Variants in SLC30A3 observed in about 807,000 individuals in gnomAD.
SLC30A3 encodes the protein probable proton-coupled zinc antiporter SLC30A3.
Under a neutral mutation model 35.6 loss-of-function variants are expected in SLC30A3, and 20 were observed. The observed-to-expected ratio is 0.56, with a 90% confidence interval of 0.39 to 0.82. The LOEUF is 0.82. Among genes scored for constraint, SLC30A3 ranks in the 40% least tolerant of loss-of-function variants. The probability of loss-of-function intolerance (pLI) is 0.00; values close to 1 mark genes in which losing one functional copy is unlikely to be tolerated. For synonymous variants in SLC30A3, 217 were observed against 224.7 expected, an observed-to-expected ratio of 0.97 and a Z score of 0.31; for missense variants, 401 against 530.6, an observed-to-expected ratio of 0.76 and a Z score of 2.40.
upstream of SLC30A3, among the ~76,000 whole-genome samples, chr2:27,264,937 G>A (rs76755654): frequency 0.081 from 12,346 of 152,250 alleles, 747 homozygotes; most frequent in Non-Finnish European, 0.12. This position sits in a 1 kb window ranked among gnomAD's most constrained non-coding sequence, Gnocchi z 6.1. Context: ...ACCCATCCTA[G>A]GGCTCTCCCC....
At chr2:27,266,974 C>T (rs1463327585), upstream of SLC30A3, among the ~76,000 whole-genome samples, 1 of 141,368 alleles carries the variant, frequency 7.1e-6, no homozygotes, top group Non-Finnish European at 1.6e-5. Flanking sequence ...CTCATATATC[C>T]ACATGTCAGC....
chr2:27,258,406 G>T lies in SLC30A3; in HGVS notation c.278-99C>A. On this transcript the variant is annotated intron_variant, in intron 2 of 7. Coordinates refer to ENST00000233535, the MANE Select transcript of SLC30A3 (RefSeq NM_003459.5). This position sits in a 1 kb window ranked among gnomAD's most constrained non-coding sequence, Gnocchi z 4.0. ...ATTGGGGGATATACACCAAAAATGT[G>T]ATTTGGGGTTTTCTCAGGTGATGGG... 1 of 1,259,928 alleles carries T rather than the reference G, an allele frequency of 7.9e-7. No homozygotes were observed. The highest frequency in any genetic ancestry group is 1.1e-6 in the Non-Finnish European group (1 of 935,234). The allele number at this position is 1,259,928 out of a possible 1,614,324, so 78.0% of individuals were successfully genotyped here.
intron 1 of SLC30A3, among the ~76,000 whole-genome samples, chr2:27,273,581 G>C (rs1237255546): frequency 6.6e-6 from 1 of 151,082 alleles, no homozygotes; most frequent in Non-Finnish European, 1.5e-5. Context: ...ATCAGCTTCA[G>C]CTTCTTTTTA....
upstream of SLC30A3, among the ~76,000 whole-genome samples, chr2:27,267,965 C>A (rs1028918613): frequency 1.3e-5 from 2 of 151,244 alleles, no homozygotes; most frequent in African/African-American, 4.9e-5. Context: ...AACAAAAAAA[C>A]ACTGAAACCT....
In SLC30A3 at chr2:27,271,696, C is replaced by T. The variant is rs868052973; in HGVS notation, c.-159+3481G>A. ...GTGAGAAGAGCCCAGGCATAGAACA[C>T]TCAGTCAAAGAGGCTCTGGTTTCTA... On this transcript the variant is annotated intron_variant, in intron 1 of 5. Transcript: ENST00000424577. The surrounding 1 kb of genome is among the most constrained non-coding windows in gnomAD (Gnocchi z 4.3). 2.0e-5 allele frequency among the ~76,000 whole-genome samples: 3 copies of T among 152,230 alleles called. No homozygotes were observed. The highest frequency in any genetic ancestry group is 4.4e-5 in the Non-Finnish European group (3 of 68,044).
In SLC30A3 at chr2:27,257,633, C is replaced by T. The variant is rs1676942167; in HGVS notation, c.578+272G>A. ...GGTAAACTAGGGGTAATGCTACCTA[C>T]CTCATGGGGTGGCTGTGAGGTTTAA... is the stretch of plus-strand genomic sequence containing the variant. On this transcript the variant is annotated intron_variant, in intron 4 of 7. Coordinates refer to ENST00000233535, the MANE Select transcript of SLC30A3 (RefSeq NM_003459.5). This position sits in a 1 kb window ranked among gnomAD's most constrained non-coding sequence, Gnocchi z 4.7. 3 of 598,186 alleles carry T rather than the reference C, an allele frequency of 5.0e-6. No homozygotes were observed. The highest frequency in any genetic ancestry group is 5.9e-6 in the Non-Finnish European group (2 of 336,838). The allele number at this position is 598,186 out of a possible 1,614,324, so 37.1% of individuals were successfully genotyped here.
intron 6 of SLC30A3, 77 bp from the exon 7 acceptor site, chr2:27,256,597 C>T (rs1412624763): frequency 6.3e-7 from 1 of 1,579,386 alleles, no homozygotes; most frequent in Non-Finnish European, 8.7e-7. Context: ...CTGGATTCCA[C>T]CTCCCCTATC....
rs1454070626 is a variant in SLC30A3 at position 27,273,049 on chromosome 2, A to AT, written c.-159+2127_-159+2128insA. 2.5e-3 allele frequency among the ~76,000 whole-genome samples: 344 copies of AT among 135,238 alleles called. 2 individuals are homozygous for AT. Among genetic ancestry groups the AT allele is most frequent in the African/African-American group, 6.4e-3 (220 of 34,440 alleles). 88.7% of individuals were successfully genotyped at this position (135,238 alleles called of 152,430 possible). On this transcript the variant is annotated intron_variant, in intron 1 of 5. Coordinates refer to the SLC30A3 transcript ENST00000424577. ...TAAGACCTTGTCTCAAAAAAAAAAA[A>AT]AAATATATATATATATATGGATAGA...
chr2:27,263,011 C>A lies in SLC30A3; in HGVS notation c.-105G>T. 2 of 1,405,126 alleles carry A rather than the reference C, an allele frequency of 1.4e-6. No individual in the cohort carries two copies. Among genetic ancestry groups the A allele is most frequent in the Admixed American group, 3.9e-5 (1 of 25,902 alleles). The allele number at this position is 1,405,126 out of a possible 1,614,324, so 87.0% of individuals were successfully genotyped here. The stretch of plus-strand genomic sequence containing the variant: ...GCCGACCCCCGGGATCCCCGCAGGG[C>A]GGCGGGGCCACCAGAGTGGAGCGAA... On this transcript the variant is annotated 5_prime_UTR_variant, in exon 1 of 8. Coordinates refer to ENST00000233535, the MANE Select transcript of SLC30A3 (RefSeq NM_003459.5).
upstream of SLC30A3, chr2:27,263,209 C>A: frequency 2.3e-6 from 2 of 858,856 alleles, no homozygotes; most frequent in South Asian, 2.1e-5. Context: ...AGCCCGGGAG[C>A]GCCCCGCCAC....
chr2:27,275,373 AG>A, upstream of SLC30A3: 1 of 471,734 alleles, frequency 2.1e-6, no homozygotes, highest in South Asian at 1.8e-5. Context: ...GCGCGAAATA[AG>A]TCCCAGGGCC....
Position 27,257,955 on chromosome 2 carries a change from C to A in SLC30A3, c.528G>T (p.Glu176Asp). ...VRLLHSDYHIEGGAMLLTASI... is the reference protein window; with the variant it reads ...VRLLHSDYHIDGGAMLLTASI... ...TGGCGGTCAGCAGCATGGCACCCCCCTCGATGTGGTAGTCGCTGTGCAGCA... is the reference window on the plus strand; with the variant it reads ...TGGCGGTCAGCAGCATGGCACCCCCATCGATGTGGTAGTCGCTGTGCAGCA... The change falls in exon 4 of 8, where the codon GAG becomes GAT. Residue 176 changes from glutamate to aspartate, a missense_variant. Glu to Asp is a conservative substitution (Grantham distance 45). Transcript: ENST00000233535. This position sits in a 1 kb window ranked among gnomAD's most constrained non-coding sequence, Gnocchi z 4.7. 6.2e-7 allele frequency: 1 copy of A among 1,614,202 alleles called. No individual in the cohort carries two copies. The highest frequency in any genetic ancestry group is 1.1e-5 in the South Asian group (1 of 91,084).
Position 27,258,199 on chromosome 2 carries a change from G to A in SLC30A3, c.386C>T (p.Pro129Leu). 6.3e-7 allele frequency: 1 copy of A among 1,598,246 alleles called. No individual in the cohort carries two copies. The highest frequency in any genetic ancestry group is 8.5e-7 in the Non-Finnish European group (1 of 1,170,742). Reference protein sequence around the residue: ...SLFSLWLSTRPATRTMTFGWH... With the variant: ...SLFSLWLSTRLATRTMTFGWH... ...GCCAAAGGTCATGGTGCGGGTGGCT[G>A]GACGGGTGGAGAGCCAGAGGGAGAA... Residue 129 changes from proline to leucine, a missense_variant, in exon 3 of 8, where the codon CCA becomes CTA. Physicochemically the swap from Pro to Leu is moderately conservative, Grantham distance 98 (BLOSUM62 -3). This residue lies in a region of SLC30A3 where 296 missense variants were observed against 392.6 expected (regional missense o/e 0.75). Coordinates refer to ENST00000233535, the MANE Select transcript of SLC30A3 (RefSeq NM_003459.5). This position sits in a 1 kb window ranked among gnomAD's most constrained non-coding sequence, Gnocchi z 4.0.
Position 27,258,155 on chromosome 2 carries a change from C to G in SLC30A3, c.424+6G>C. 1 of 1,598,008 alleles carries G rather than the reference C, an allele frequency of 6.3e-7. No individual in the cohort carries two copies. Among genetic ancestry groups the G allele is most frequent in the Non-Finnish European group, 8.6e-7 (1 of 1,169,506 alleles). ...GGAGAGTCACTGGGCCATGCAGGGG[C>G]CTTACCTGAACGGTGCCAGCCAAAG... On this transcript the variant is annotated splice_donor_region_variant and intron_variant, in intron 3 of 7. Coordinates refer to ENST00000233535, the MANE Select transcript of SLC30A3 (RefSeq NM_003459.5). The surrounding 1 kb of genome is among the most constrained non-coding windows in gnomAD (Gnocchi z 4.0).
chr2:27,256,268 CAG>C (rs1011102839), intron 7 of SLC30A3, 116 bp downstream of exon 7: 4 of 1,191,452 alleles, frequency 3.4e-6, no homozygotes, highest in Non-Finnish European at 4.8e-6. Flanking sequence ...GAGAGAGACA[CAG>C]AGAAACAGAG....
At chr2:27,267,701 G>A (rs1285644509), upstream of SLC30A3, among the ~76,000 whole-genome samples, 6 of 152,146 alleles carry the variant, frequency 3.9e-5, no homozygotes, top group South Asian at 2.1e-4. Flanking sequence ...TTGGGAGGCC[G>A]AGGTGGGTGG....
rs750531726 is a variant in SLC30A3 at position 27,258,133 on chromosome 2, G to C, written c.424+28C>G. The C allele has an allele frequency of 1.2e-6, 2 of 1,603,328 alleles. No individual in the cohort carries two copies. Among genetic ancestry groups the C allele is most frequent in the African/African-American group, 2.7e-5 (2 of 74,720 alleles). On this transcript the variant is annotated intron_variant, in intron 3 of 7. Coordinates refer to ENST00000233535, the MANE Select transcript of SLC30A3 (RefSeq NM_003459.5). This position sits in a 1 kb window ranked among gnomAD's most constrained non-coding sequence, Gnocchi z 4.0. ...ACGGGTGCCCTCTGGCAAGATTGGAGAGTCACTGGGCCATGCAGGGGCCTT... is the reference window on the plus strand; with the variant it reads ...ACGGGTGCCCTCTGGCAAGATTGGACAGTCACTGGGCCATGCAGGGGCCTT...
At chr2:27,265,560 A>G (rs1014729239), upstream of SLC30A3, among the ~76,000 whole-genome samples, 3 of 152,168 alleles carry the variant, frequency 2.0e-5, no homozygotes, top group African/African-American at 7.2e-5. The surrounding 1 kb of genome is among the most constrained non-coding windows in gnomAD (Gnocchi z 5.9). Context: ...AACACCTGAC[A>G]AGTGCAAGCC....
chr2:27,263,039 G>T lies in SLC30A3; in HGVS notation c.-133C>A. 2 of 1,376,818 alleles carry T rather than the reference G, an allele frequency of 1.5e-6. No homozygotes were observed. The highest frequency in any genetic ancestry group is 1.5e-5 in the African/African-American group (1 of 65,034). The allele number at this position is 1,376,818 out of a possible 1,614,324, so 85.3% of individuals were successfully genotyped here. ...CGGGGCCACCAGAGTGGAGCGAACT[G>T]CAGCGACTGTGGCGCGCGGAGTCCG... On this transcript the variant is annotated 5_prime_UTR_variant, in exon 1 of 8. Transcript: ENST00000233535.
Sources: gnomAD v4.1 joint callset for allele counts (sites outside exome capture counted in the v4.1 genomes callset) on GRCh38, gnomAD v4.1.1 for gene constraint, gnomAD v4.1.1 regional missense constraint, Gnocchi (gnomAD v3.1) non-coding constraint, MANE v1.5 for transcripts, NCBI Gene and HGNC (gene_info 2026-07-23, HGNC 2026-07-21) for gene names.